The following TENM4 variants were observed in gnomAD, a reference collection of about 807,000 sequenced individuals.
TENM4 encodes teneurin-4.
Under a neutral mutation model 243.3 loss-of-function variants are expected in TENM4, and 82 were observed. The observed-to-expected ratio is 0.34, with a 90% CI of 0.28 to 0.40. TENM4 has a LOEUF of 0.40. Ranked by LOEUF, TENM4 falls within the 10% of genes least tolerant of loss-of-function variation. The pLI is 1.00. For missense variants in TENM4, 3,138 were observed against 3,673.3 expected (o/e 0.85, Z 3.77); for synonymous variants, 1,412 against 1,456.3 (o/e 0.97, Z 0.69).
chr11:78,677,281 G>A (rs917964689), intron 29 of TENM4, among the ~76,000 whole-genome samples: 17 of 129,428 alleles, frequency 1.3e-4, no homozygotes, highest in Admixed American at 4.2e-4. Flanking sequence ...ACAGGGTCTT[G>A]TTCTGTTGCC....
rs371982987 is a variant in TENM4, at chr11:79,370,826, T to A, written c.-321+69683A>T. ...AAAAAAAAAGTGATAAATTTGGTAA[T>A]CCCAGAATTAACGTTTTTGCTTAAA... On this transcript the variant is annotated intron_variant, in intron 1 of 33. Coordinates refer to ENST00000278550, the MANE Select transcript of TENM4 (RefSeq NM_001098816.3). 3.6e-3 allele frequency among the ~76,000 whole-genome samples: 418 copies of A among 116,770 alleles called. 2 individuals are homozygous for A. Among genetic ancestry groups the A allele is most frequent in the African/African-American group, 0.013 (391 of 30,636 alleles). 76.6% of individuals were successfully genotyped at this position (116,770 alleles called of 152,430 possible). A position where few individuals can be genotyped will look rare whatever the true frequency, so the allele number is the denominator to read the frequency against.
intron 18 of TENM4, among the ~76,000 whole-genome samples, chr11:78,765,263 C>A (rs1291103815): frequency 6.6e-6 from 1 of 152,160 alleles, no homozygotes; most frequent in African/African-American, 2.4e-5. Flanking sequence ...TTTCAAAAGG[C>A]TTGCAAAGTC....
intron 1 of TENM4, among the ~76,000 whole-genome samples, chr11:79,303,806 G>A (rs1856585087): frequency 6.6e-6 from 1 of 152,084 alleles, no homozygotes. Context: ...ATTAATGATG[G>A]ATGGCTGGCC....
At chr11:79,375,775 C>T (rs1284866077) in intron 1 of TENM4, among the ~76,000 whole-genome samples, 1 of 152,028 alleles carries the variant, frequency 6.6e-6, no homozygotes, top group Non-Finnish European at 1.5e-5. Flanking sequence ...GACCTGAAGG[C>T]CATAGGATTT....
chr11:78,786,934 A>G lies in TENM4; in HGVS notation c.2329T>C (p.Cys777Arg), dbSNP rs1223889814. Residue 777 changes from cysteine (C) to arginine (R), a missense_variant, in exon 16 of 34, where the codon TGC (cysteine) becomes CGC (arginine). Cys to Arg is a radical substitution (Grantham distance 180). This residue lies in a region of TENM4 where 2,467 missense variants were observed against 3,059.1 expected (regional missense o/e 0.81). Coordinates refer to ENST00000278550, the MANE Select transcript of TENM4 (RefSeq NM_001098816.3). ...HGTCRDGKCECSPGWNGEHCT... is the reference protein window; with the variant it reads ...HGTCRDGKCERSPGWNGEHCT... ...TGTTCGCCATTCCAGCCAGGGCTGC[A>G]CTCGCACTTGCCGTCGCGGCAGGTC... The G allele has an allele frequency of 6.2e-7, 1 of 1,608,702 alleles. No homozygotes were observed. Among genetic ancestry groups the G allele is most frequent in the Non-Finnish European group, 8.5e-7 (1 of 1,177,962 alleles).
rs1240120908 is a variant in TENM4 at position 79,438,376 on chromosome 11, C to A, written c.-321+2133G>T. Among the ~76,000 whole-genome samples, 2 of 152,368 alleles carry A rather than the reference C, an allele frequency of 1.3e-5. No individual in the cohort carries two copies. Among genetic ancestry groups the A allele is most frequent in the African/African-American group, 2.4e-5 (1 of 41,590 alleles). On this transcript the variant is annotated intron_variant, in intron 1 of 33. Coordinates refer to ENST00000278550, the MANE Select transcript of TENM4 (RefSeq NM_001098816.3). The surrounding 1 kb of genome is among the most constrained non-coding windows in gnomAD (Gnocchi z 4.1). ...GGAGAATAAACGCAACAGAAGCAAACTGCTGTCTGCAGAGGCGAGAGGCGA... is the reference window on the plus strand; with the variant it reads ...GGAGAATAAACGCAACAGAAGCAAAATGCTGTCTGCAGAGGCGAGAGGCGA...
At chr11:79,371,199 G>A (rs1857778198) in intron 1 of TENM4, among the ~76,000 whole-genome samples, 1 of 152,258 alleles carries the variant, frequency 6.6e-6, no homozygotes, top group Admixed American at 6.5e-5. Context: ...TCATGTCAGT[G>A]TGAGTGCAGA....
intron 4 of TENM4, among the ~76,000 whole-genome samples, chr11:79,104,408 C>T (rs2137086373): frequency 6.6e-6 from 1 of 152,356 alleles, no homozygotes; most frequent in African/African-American, 2.4e-5. Context: ...TTTTCTGCAT[C>T]TACGTATGCT....
chr11:79,101,238 T>A (rs1019776406), intron 4 of TENM4, among the ~76,000 whole-genome samples: 1 of 152,220 alleles, frequency 6.6e-6, no homozygotes, highest in Admixed American at 6.5e-5. Context: ...AAAATTTTCA[T>A]AAAAAATATT....
intron 9 of TENM4, among the ~76,000 whole-genome samples, chr11:78,887,856 A>G (rs1032696788): frequency 1.3e-5 from 2 of 152,260 alleles, no homozygotes; most frequent in African/African-American, 4.8e-5. Context: ...ATATGATATA[A>G]ACCTTAAGAC....
intron 6 of TENM4, among the ~76,000 whole-genome samples, chr11:79,037,015 C>CAAAAAAAAAAAAAAA (rs369421583): frequency 1.1e-5 from 1 of 91,084 alleles, no homozygotes; most frequent in African/African-American, 3.7e-5. Flanking sequence ...GACTCCATCT[C>CAAAAAAAAAAAAAAA]AAAAAAAAAA....
chr11:79,211,374 T>A (rs1426281207), intron 3 of TENM4, among the ~76,000 whole-genome samples: 1 of 152,192 alleles, frequency 6.6e-6, no homozygotes, highest in Non-Finnish European at 1.5e-5. Flanking sequence ...CCCGCTGGAC[T>A]CGGGAGTATC....
At chr11:79,415,273 G>C (rs1380990146) in intron 1 of TENM4, among the ~76,000 whole-genome samples, 1 of 152,200 alleles carries the variant, frequency 6.6e-6, no homozygotes, top group Non-Finnish European at 1.5e-5. Context: ...CTGTTTCAGA[G>C]CACTTTGGAA....
intron 4 of TENM4, among the ~76,000 whole-genome samples, chr11:79,107,589 T>C (rs889903403): frequency 2.6e-5 from 4 of 152,234 alleles, no homozygotes; most frequent in African/African-American, 7.2e-5. Flanking sequence ...GGGTTTGACC[T>C]TGTGTCCATG....
intron 19 of TENM4, among the ~76,000 whole-genome samples, chr11:78,755,735 ACAAT>A: frequency 6.6e-6 from 1 of 152,264 alleles, no homozygotes; most frequent in African/African-American, 2.4e-5. Context: ...TCCCGCAGAC[ACAAT>A]CAGTTACCAA....
At chr11:78,944,218 C>A (rs1856964041) in intron 6 of TENM4, among the ~76,000 whole-genome samples, 1 of 152,242 alleles carries the variant, frequency 6.6e-6, no homozygotes, top group African/African-American at 2.4e-5. Flanking sequence ...AGTGAAAATG[C>A]TCAACCTCTG....
At chr11:79,172,054 G>A (rs1209022940) in intron 3 of TENM4, among the ~76,000 whole-genome samples, 1 of 152,090 alleles carries the variant, frequency 6.6e-6, no homozygotes, top group East Asian at 1.9e-4. Flanking sequence ...TGGACTTAAG[G>A]GATCCTTTCA....
intron 4 of TENM4, among the ~76,000 whole-genome samples, chr11:79,123,183 C>A (rs74456974): frequency 0.04 from 6,036 of 152,272 alleles, 183 homozygotes; most frequent in Non-Finnish European, 0.058. Flanking sequence ...TCTCATGTAT[C>A]TTATGCTTAC....
At chr11:78,848,625 A>G (rs1284050231) in intron 12 of TENM4, among the ~76,000 whole-genome samples, 5 of 151,960 alleles carry the variant, frequency 3.3e-5, no homozygotes, top group Non-Finnish European at 7.4e-5. Context: ...CCTTCCTTCA[A>G]CCCTCATGGG....
Sources: gnomAD v4.1 joint callset for allele counts (sites outside exome capture counted in the v4.1 genomes callset) on GRCh38, gnomAD v4.1.1 for gene constraint, gnomAD v4.1.1 regional missense constraint, Gnocchi (gnomAD v3.1) non-coding constraint, MANE v1.5 for transcripts, NCBI Gene and HGNC (gene_info 2026-07-23, HGNC 2026-07-21) for gene names.